CREB5: variants seen among roughly 807,000 people sequenced by gnomAD.
CREB5 encodes cAMP responsive element binding protein 5, also known as cyclic AMP-responsive element-binding protein 5.
Under a neutral mutation model 57.1 loss-of-function variants are expected in CREB5, and 19 were observed. The observed-to-expected ratio is 0.33, with a 90% confidence interval of 0.23 to 0.49. The LOEUF is 0.49. Ranked by LOEUF, CREB5 falls within the 20% of genes least tolerant of loss-of-function variation. CREB5 has a pLI of 0.99. For missense variants in CREB5, 579 were observed against 671.6 expected, an observed-to-expected ratio of 0.86 and a Z score of 1.52; for synonymous variants, 238 against 238.3, an observed-to-expected ratio of 1.00 and a Z score of 0.01.
intron 5 of CREB5, among the ~76,000 whole-genome samples, chr7:28,627,635 G>C (rs1282116207): frequency 6.6e-6 from 1 of 152,108 alleles, no homozygotes; most frequent in African/African-American, 2.4e-5. Flanking sequence ...ATGCAAAAAA[G>C]GGTTTTCGCC....
rs1365241038 is a variant in CREB5, at chr7:28,821,157, T to TGTTC, written c.*1879_*1882dup. 6.6e-6 allele frequency: 1 copy of TGTTC among 152,152 alleles called. No homozygotes were observed. The allele number at this position is 152,152 out of a possible 1,614,324, so 9.4% of individuals were successfully genotyped here. On this transcript the variant is annotated 3_prime_UTR_variant, in exon 11 of 11. Coordinates refer to ENST00000357727, the MANE Select transcript of CREB5 (RefSeq NM_182898.4). ...GTGTGTGTGTGTGTGTGTGTGTGTGTGTTCATGGGTTTTAAAAGAACAGTA... is the reference window on the plus strand; with the variant it reads ...GTGTGTGTGTGTGTGTGTGTGTGTGTGTTCGTTCATGGGTTTTAAAAGAACAGTA...
intron 5 of CREB5, among the ~76,000 whole-genome samples, chr7:28,696,794 GTATA>G (rs1562578724): frequency 6.8e-6 from 1 of 147,428 alleles, no homozygotes; most frequent in African/African-American, 2.7e-5. Context: ...ATACGTATAC[GTATA>G]CGTATATATA....
intron 1 of CREB5, among the ~76,000 whole-genome samples, chr7:28,446,696 G>T (rs1789490629): frequency 6.6e-6 from 1 of 152,178 alleles, no homozygotes; most frequent in Non-Finnish European, 1.5e-5. Flanking sequence ...GGAGGCTGAG[G>T]CAGGAGACTG....
At chr7:28,350,025 G>A (rs1313441851) in intron 1 of CREB5, among the ~76,000 whole-genome samples, 2 of 152,120 alleles carry the variant, frequency 1.3e-5, no homozygotes, top group African/African-American at 4.8e-5. Flanking sequence ...GCTATATAGA[G>A]GCAATTAAAC....
At chr7:28,686,260 T>C in intron 5 of CREB5, 1 of 1,331,126 alleles carries the variant, frequency 7.5e-7, no homozygotes, top group Non-Finnish European at 1.1e-6. Flanking sequence ...CCCTACTGCC[T>C]TCTGTTTTTG....
At chr7:28,720,477 C>G (rs759458750) in intron 6 of CREB5, among the ~76,000 whole-genome samples, 1 of 152,186 alleles carries the variant, frequency 6.6e-6, no homozygotes, top group South Asian at 2.1e-4. Flanking sequence ...CTGGAACCCA[C>G]GTCTCAACTG....
intron 4 of CREB5, among the ~76,000 whole-genome samples, chr7:28,535,493 G>A (rs908657450): frequency 5.6e-5 from 8 of 141,746 alleles, no homozygotes; most frequent in East Asian, 2.0e-4. Context: ...TCTTCATCTC[G>A]ACTTCCTCTT....
At chr7:28,526,866 T>G (rs1203504647) in intron 4 of CREB5, among the ~76,000 whole-genome samples, 2 of 152,224 alleles carry the variant, frequency 1.3e-5, no homozygotes, top group Non-Finnish European at 2.9e-5. Context: ...TCTTTCTTTG[T>G]CAGAAATGTC....
intron 5 of CREB5, among the ~76,000 whole-genome samples, chr7:28,576,778 T>C (rs1795926208): frequency 6.6e-6 from 1 of 152,228 alleles, no homozygotes; most frequent in South Asian, 2.1e-4. Context: ...TGAGCTTTTC[T>C]TGGAGGAAGA....
intron 1 of CREB5, among the ~76,000 whole-genome samples, chr7:28,354,478 G>C (rs1391115405): frequency 6.6e-6 from 1 of 152,148 alleles, no homozygotes; most frequent in Non-Finnish European, 1.5e-5. Flanking sequence ...GGCTCTCCTT[G>C]CTCCTCAGCT....
intron 5 of CREB5, among the ~76,000 whole-genome samples, chr7:28,660,583 C>G (rs1482332256): frequency 1.3e-5 from 2 of 151,950 alleles, no homozygotes; most frequent in Non-Finnish European, 2.9e-5. Flanking sequence ...ACTGTCCACA[C>G]AAACATGAAA....
At chr7:28,330,418 TTTTG>T (rs1425033401) in intron 1 of CREB5, among the ~76,000 whole-genome samples, 23 of 149,998 alleles carry the variant, frequency 1.5e-4, no homozygotes, top group African/African-American at 3.4e-4. Flanking sequence ...TTTTTTTTTT[TTTTG>T]CATATTTAGT....
intron 7 of CREB5, among the ~76,000 whole-genome samples, chr7:28,775,460 A>C (rs1806564743): frequency 6.6e-6 from 1 of 150,930 alleles, no homozygotes; most frequent in South Asian, 2.1e-4. Context: ...CCCTCTGGGA[A>C]CTGGAAGACC....
At position 28,378,217 on chromosome 7, in the gene CREB5, G is replaced by A. The variant is rs117887801; in HGVS notation, c.-25+78776G>A. Among the ~76,000 whole-genome samples, 861 of 151,916 alleles carry A rather than the reference G, an allele frequency of 5.7e-3. 6 individuals are homozygous for A. Among genetic ancestry groups the A allele is most frequent in the Non-Finnish European group, 1.0e-2 (677 of 67,972 alleles). ...GTAAGTTAGTCTTTAGCTCTCTTAG[G>A]TTTTCAAAGAGATCTGAGGCTTTTA... On this transcript the variant is annotated intron_variant, in intron 1 of 9. Transcript: ENST00000396299.
At chr7:28,409,235 A>G (rs1706856868), upstream of CREB5, 1 of 150,862 alleles carries the variant, frequency 6.6e-6, no homozygotes, top group African/African-American at 2.4e-5. The surrounding 1 kb of genome is among the most constrained non-coding windows in gnomAD (Gnocchi z 4.4). Flanking sequence ...TGCCCCCTCG[A>G]CGCGCCGGCC....
At chr7:28,783,541 CAATTA>C (rs1807117415) in intron 7 of CREB5, among the ~76,000 whole-genome samples, 1 of 152,142 alleles carries the variant, frequency 6.6e-6, no homozygotes, top group Non-Finnish European at 1.5e-5. Flanking sequence ...CATTTGCTTA[CAATTA>C]GGTTATTTTG....
chr7:28,502,140 G>A (rs987877772), intron 3 of CREB5, among the ~76,000 whole-genome samples: 1 of 152,172 alleles, frequency 6.6e-6, no homozygotes, highest in Non-Finnish European at 1.5e-5. Context: ...AGTAACATCA[G>A]TGTTACTGAG....
intron 7 of CREB5, among the ~76,000 whole-genome samples, chr7:28,790,701 A>G (rs745597495): frequency 1.1e-4 from 17 of 152,234 alleles, no homozygotes; most frequent in Non-Finnish European, 2.1e-4. Context: ...CAGAGTAGCA[A>G]CATCTGCCTA....
intron 1 of CREB5, among the ~76,000 whole-genome samples, chr7:28,401,061 T>C (rs990990101): frequency 6.6e-6 from 1 of 152,224 alleles, no homozygotes; most frequent in Non-Finnish European, 1.5e-5. Flanking sequence ...TTCTGGGTCA[T>C]TATTCAGAGC....
Sources: allele counts gnomAD v4.1 joint callset (sites outside exome capture counted in the v4.1 genomes callset), GRCh38; gene constraint gnomAD v4.1.1; non-coding constraint Gnocchi (gnomAD v3.1); transcripts MANE v1.5; gene names NCBI Gene and HGNC (gene_info 2026-07-23, HGNC 2026-07-21).